Variants in EPHX2 observed in about 807,000 individuals in gnomAD.
EPHX2 encodes epoxide hydrolase 2.
Under a neutral mutation model 78.7 loss-of-function variants are expected in EPHX2, and 74 were observed. The observed-to-expected ratio is 0.94, with a 90% confidence interval of 0.78 to 1.14. EPHX2 has a LOEUF of 1.14. Ranked by LOEUF, EPHX2 falls within the 50% of genes most tolerant of loss-of-function variation. The probability of loss-of-function intolerance (pLI) is 0.00; values close to 1 mark genes in which losing one functional copy is unlikely to be tolerated. For synonymous variants in EPHX2, 251 were observed against 255.2 expected (o/e 0.98, Z 0.16); for missense variants, 715 against 702.5 (o/e 1.02, Z -0.20).
downstream of EPHX2, among the ~76,000 whole-genome samples, chr8:27,548,266 GT>G (rs1815606151): frequency 6.6e-6 from 1 of 152,196 alleles, no homozygotes; most frequent in African/African-American, 2.4e-5. Context: ...CAGTTTCCGT[GT>G]CGTTCACAGC....
chr8:27,542,613 C>T (rs768700123), intron 16 of EPHX2, among the ~76,000 whole-genome samples: 21 of 152,110 alleles, frequency 1.4e-4, no homozygotes, highest in Non-Finnish European at 2.6e-4. Flanking sequence ...GAAGGTGAAT[C>T]CCAATGGTGC....
At chr8:27,510,179 T>C (rs1814186177) in intron 5 of EPHX2, among the ~76,000 whole-genome samples, 1 of 152,232 alleles carries the variant, frequency 6.6e-6, no homozygotes, top group African/African-American at 2.4e-5. Flanking sequence ...TACGTCCCCA[T>C]TTTAGAGGTC....
chr8:27,494,050 C>T (rs1813483189), intron 1 of EPHX2, among the ~76,000 whole-genome samples: 1 of 152,076 alleles, frequency 6.6e-6, no homozygotes, highest in South Asian at 2.1e-4. Flanking sequence ...TTTGCCATTA[C>T]AAAACCCAGA....
At chr8:27,547,798 CAT>C (rs1491295831), downstream of EPHX2, among the ~76,000 whole-genome samples, 2 of 152,122 alleles carry the variant, frequency 1.3e-5, no homozygotes, top group African/African-American at 4.8e-5. Flanking sequence ...TGAGTGAGAA[CAT>C]GTGGTGTTTC....
chr8:27,518,173 A>G (rs1019931215), intron 9 of EPHX2, 101 bp downstream of exon 9: 3 of 949,718 alleles, frequency 3.2e-6, no homozygotes, highest in African/African-American at 1.7e-5. Flanking sequence ...GCATCATTTC[A>G]CAGCCTCTGG....
rs183981143 is a variant in EPHX2, at chr8:27,507,040, G to C, written c.660+46G>C. The C allele has an allele frequency of 2.6e-4, 411 of 1,600,778 alleles. 2 individuals carry two copies. The African/African-American group carries it at 4.7e-3, about 18-fold the overall frequency. On this transcript the variant is annotated intron_variant, in intron 5 of 18. Coordinates refer to ENST00000521400, the MANE Select transcript of EPHX2 (RefSeq NM_001979.6). Reference sequence around the variant, plus strand: ...GCCAAGCTTCCTGGACTCATCTGTGGTTTCTGGACTCAGGAGAAAACCACG... The same window carrying C: ...GCCAAGCTTCCTGGACTCATCTGTGCTTTCTGGACTCAGGAGAAAACCACG...
At chr8:27,521,712 G>T (rs535863892) in intron 10 of EPHX2, among the ~76,000 whole-genome samples, 3 of 152,202 alleles carry the variant, frequency 2.0e-5, no homozygotes, top group Non-Finnish European at 2.9e-5. Flanking sequence ...GCCCAGAGTG[G>T]CCACCCAGTC....
At chr8:27,526,006 T>A (rs182478167) in intron 12 of EPHX2, among the ~76,000 whole-genome samples, 3 of 152,346 alleles carry the variant, frequency 2.0e-5, no homozygotes, top group Admixed American at 1.3e-4. Flanking sequence ...CAACGTCACC[T>A]GGCCTGGTGC....
chr8:27,501,324 T>TTTCTTCCTCTTCTTC (rs1378699940), intron 2 of EPHX2, among the ~76,000 whole-genome samples: 11 of 103,012 alleles, frequency 1.1e-4, no homozygotes, highest in Non-Finnish European at 1.6e-4. Flanking sequence ...TGCTATATAT[T>TTTCTTCCTCTTCTTC]TTCTTCTTCT....
intron 4 of EPHX2, among the ~76,000 whole-genome samples, chr8:27,506,455 A>G (rs1814009159): frequency 6.6e-6 from 1 of 152,164 alleles, no homozygotes; most frequent in African/African-American, 2.4e-5. Context: ...CTAAATTCTT[A>G]TTTGTATTTG....
intron 1 of EPHX2, among the ~76,000 whole-genome samples, chr8:27,498,219 C>A (rs542950162): frequency 6.6e-6 from 1 of 152,184 alleles, no homozygotes; most frequent in Non-Finnish European, 1.5e-5. Context: ...TTCCCCTCCC[C>A]CTACAGCTTG....
downstream of EPHX2, among the ~76,000 whole-genome samples, chr8:27,547,702 C>T (rs1815598391): frequency 6.6e-6 from 1 of 152,182 alleles, no homozygotes; most frequent in Admixed American, 6.5e-5. Context: ...CCCTATCCCC[C>T]ACCTCTTCCC....
chr8:27,514,017 T>C (rs578250209), intron 6 of EPHX2, among the ~76,000 whole-genome samples: 3 of 152,348 alleles, frequency 2.0e-5, no homozygotes, highest in East Asian at 1.9e-4. Context: ...TTGGGAATTA[T>C]GAATAAAACT....
intron 13 of EPHX2, among the ~76,000 whole-genome samples, chr8:27,538,387 C>T (rs1278200476): frequency 6.6e-6 from 1 of 152,138 alleles, no homozygotes; most frequent in Non-Finnish European, 1.5e-5. Flanking sequence ...CTTCATATTA[C>T]CAAGGTCTGC....
chr8:27,495,751 T>C (rs913253576), intron 1 of EPHX2, among the ~76,000 whole-genome samples: 1 of 152,216 alleles, frequency 6.6e-6, no homozygotes, highest in African/African-American at 2.4e-5. Context: ...ATCAGTTTCC[T>C]TACTTAGGTA....
chr8:27,542,873 C>G (rs1815449924), intron 16 of EPHX2, among the ~76,000 whole-genome samples: 3 of 152,068 alleles, frequency 2.0e-5, no homozygotes, highest in Admixed American at 2.0e-4. Context: ...AACTCCTGAG[C>G]TCAGGCGATC....
intron 2 of EPHX2, among the ~76,000 whole-genome samples, chr8:27,503,224 A>G (rs1236069672): frequency 6.6e-6 from 1 of 152,208 alleles, no homozygotes; most frequent in East Asian, 1.9e-4. Flanking sequence ...TGGACTTCCC[A>G]GCCTTCAGCA....
downstream of EPHX2, among the ~76,000 whole-genome samples, chr8:27,546,651 C>G (rs572670485): frequency 6.6e-6 from 1 of 152,118 alleles, no homozygotes; most frequent in Non-Finnish European, 1.5e-5. Flanking sequence ...CCTGTCTTCC[C>G]GAAAGTCTCG....
chr8:27,512,048 T>A (rs1397776941), intron 6 of EPHX2, 138 bp downstream of exon 6: 3 of 771,492 alleles, frequency 3.9e-6, no homozygotes, highest in Non-Finnish European at 6.6e-6. Context: ...CAGTGAGCTG[T>A]GATCACACCA....
Sources: allele counts gnomAD v4.1 joint callset (sites outside exome capture counted in the v4.1 genomes callset), GRCh38; gene constraint gnomAD v4.1.1; transcripts MANE v1.5; gene names NCBI Gene and HGNC (gene_info 2026-07-23, HGNC 2026-07-21).